Variants in LYPLAL1 observed in about 807,000 individuals in gnomAD.
The protein encoded by LYPLAL1 is lysophospholipase like 1.
In LYPLAL1, 23 loss-of-function variants were observed where a neutral mutation model predicts 19.7. The observed-to-expected ratio is 1.17, with a 90% CI of 0.84 to 1.65. The LOEUF (loss-of-function observed/expected upper bound fraction) is 1.65, where lower values mean the gene tolerates loss of function less well. Among genes scored for constraint, LYPLAL1 ranks in the 40% most tolerant of loss-of-function variants. The probability of loss-of-function intolerance (pLI) is 0.00; values close to 1 mark genes in which losing one functional copy is unlikely to be tolerated. For synonymous variants in LYPLAL1, 119 were observed against 96.3 expected (o/e 1.24, Z -1.38); for missense variants, 355 against 279.4 (o/e 1.27, Z -1.93).
the LYPLAL1 span, among the ~76,000 whole-genome samples, chr1:219,345,913 C>T: frequency 6.6e-6 from 1 of 152,304 alleles, no homozygotes; most frequent in East Asian, 1.9e-4. Flanking sequence ...GAGTGGTTCT[C>T]CTTTATCCCT....
intron 2 of LYPLAL1, among the ~76,000 whole-genome samples, chr1:219,191,316 A>G (rs896465344): frequency 6.6e-6 from 1 of 151,620 alleles, no homozygotes; most frequent in African/African-American, 2.4e-5. Flanking sequence ...TTAATGAAGC[A>G]TATTTCTTAG....
At chr1:219,350,180 A>G in the LYPLAL1 span, among the ~76,000 whole-genome samples, 1 of 152,238 alleles carries the variant, frequency 6.6e-6, no homozygotes, top group South Asian at 2.1e-4. Context: ...TTTTTATAGC[A>G]TCAGATGCTC....
At chr1:219,314,291 G>A in the LYPLAL1 span, among the ~76,000 whole-genome samples, 2 of 152,174 alleles carry the variant, frequency 1.3e-5, no homozygotes, top group South Asian at 2.1e-4. Context: ...GAATATACAT[G>A]TGCATGTCTT....
chr1:219,220,335 A>G, the LYPLAL1 span, among the ~76,000 whole-genome samples: 5 of 152,098 alleles, frequency 3.3e-5, no homozygotes, highest in African/African-American at 1.2e-4. Flanking sequence ...ACCAGAATTA[A>G]GTTTAAATAT....
At chr1:219,231,587 G>C in the LYPLAL1 span, among the ~76,000 whole-genome samples, 1 of 151,922 alleles carries the variant, frequency 6.6e-6, no homozygotes, top group African/African-American at 2.4e-5. Flanking sequence ...ACTAGTAAAC[G>C]GTAGAAAATG....
In LYPLAL1 at chr1:219,196,005, G is replaced by A. The variant is rs571672891; in HGVS notation, c.361+2754G>A. 3.9e-5 allele frequency among the ~76,000 whole-genome samples: 6 copies of A among 152,166 alleles called. No individual in the cohort carries two copies. The South Asian group carries it at 1.2e-3, about 32-fold the overall frequency. Reference sequence around the variant, plus strand: ...CCATCCTTGTCCCTGCAAAAGACATGATCTTGTTCCTTTTTATGGCTGCAT... The same window carrying A: ...CCATCCTTGTCCCTGCAAAAGACATAATCTTGTTCCTTTTTATGGCTGCAT... On this transcript the variant is annotated intron_variant, in intron 3 of 4. Coordinates refer to ENST00000366928, the MANE Select transcript of LYPLAL1 (RefSeq NM_138794.5).
the LYPLAL1 span, among the ~76,000 whole-genome samples, chr1:219,289,355 T>A: frequency 1.3e-5 from 2 of 152,138 alleles, no homozygotes; most frequent in Non-Finnish European, 2.9e-5. Flanking sequence ...ATTTTGTAAA[T>A]TGTGAAGTGC....
At chr1:219,395,828 A>G in the LYPLAL1 span, among the ~76,000 whole-genome samples, 2 of 151,948 alleles carry the variant, frequency 1.3e-5, no homozygotes, top group Non-Finnish European at 2.9e-5. Flanking sequence ...TTTTGGCTGG[A>G]TGCGGTGGCT....
chr1:219,401,052 T>G, the LYPLAL1 span, among the ~76,000 whole-genome samples: 1 of 152,188 alleles, frequency 6.6e-6, no homozygotes, highest in African/African-American at 2.4e-5. Context: ...TTATTTCTTA[T>G]AAATCAATAT....
rs764803610 is a variant in LYPLAL1 at position 219,179,159 on chromosome 1, A to G, written c.104A>G (p.Gln35Arg). The G allele has an allele frequency of 7.5e-6, 12 of 1,606,720 alleles. No homozygotes were observed. In the South Asian group the frequency reaches 1.3e-4, roughly 18 times the overall value. Residue 35 changes from glutamine (Q) to arginine (R), a missense_variant, in exon 2 of 5, where the codon CAA (glutamine) becomes CGA (arginine). Physicochemically the swap from Gln to Arg is conservative, Grantham distance 43 (BLOSUM62 1). Coordinates refer to ENST00000366928, the MANE Select transcript of LYPLAL1 (RefSeq NM_138794.5). ...IFLHGSGDSG[Q>R]GLRMWIKQVL... is the part of the protein sequence containing the mutation. The stretch of plus-strand genomic sequence containing the variant: ...TTTGATTCATCAGGTGATTCTGGAC[A>G]AGGATTAAGAATGTGGATCAAGCAG...
At chr1:219,245,175 CCCTTCCTTCCTTCCTTCCTTCCTTCCTT>C in the LYPLAL1 span, among the ~76,000 whole-genome samples, 37 of 132,620 alleles carry the variant, frequency 2.8e-4, no homozygotes, top group African/African-American at 5.9e-4. Context: ...CCTCTTCCAT[CCCTTCCTTCCTTCCTTCCTTCCTTCCTT>C]CCTTCCTTCC....
chr1:219,242,851 T>G, the LYPLAL1 span, among the ~76,000 whole-genome samples: 3 of 152,304 alleles, frequency 2.0e-5, no homozygotes, highest in Middle Eastern at 6.8e-3. Context: ...AATTTTTGGT[T>G]GCATTTACAG....
chr1:219,303,497 G>C, the LYPLAL1 span, among the ~76,000 whole-genome samples: 1 of 152,212 alleles, frequency 6.6e-6, no homozygotes, highest in African/African-American at 2.4e-5. Flanking sequence ...TCTGCAGCAG[G>C]CAATTGGTTG....
chr1:219,318,609 T>G, the LYPLAL1 span, among the ~76,000 whole-genome samples: 1 of 152,168 alleles, frequency 6.6e-6, no homozygotes, highest in South Asian at 2.1e-4. Context: ...CCATGCCAAA[T>G]TTTAGGCTCA....
chr1:219,231,696 C>G, the LYPLAL1 span, among the ~76,000 whole-genome samples: 2 of 152,118 alleles, frequency 1.3e-5, no homozygotes, highest in Non-Finnish European at 2.9e-5. Flanking sequence ...CAAAAACACT[C>G]CCTGGGGAAG....
chr1:219,232,225 C>T, the LYPLAL1 span, among the ~76,000 whole-genome samples: 1 of 152,186 alleles, frequency 6.6e-6, no homozygotes, highest in African/African-American at 2.4e-5. Flanking sequence ...GACCCCCAAA[C>T]AACTTAGCTC....
chr1:219,224,586 ATGTTAT>A, the LYPLAL1 span, among the ~76,000 whole-genome samples: 166 of 152,304 alleles, frequency 1.1e-3, no homozygotes, highest in African/African-American at 3.9e-3. Context: ...CTCCTTATGG[ATGTTAT>A]TGTCACTGTG....
At chr1:219,351,653 G>A in the LYPLAL1 span, among the ~76,000 whole-genome samples, 11 of 152,092 alleles carry the variant, frequency 7.2e-5, no homozygotes, top group South Asian at 2.3e-3. Context: ...TGCTGAATCT[G>A]GGAAAGTAGC....
chr1:219,360,310 T>C, the LYPLAL1 span, among the ~76,000 whole-genome samples: 3 of 152,154 alleles, frequency 2.0e-5, no homozygotes, highest in Non-Finnish European at 2.9e-5. Flanking sequence ...GTTATCCCTC[T>C]TTATTTGTCC....
Sources: gnomAD v4.1 joint callset for allele counts (sites outside exome capture counted in the v4.1 genomes callset) on GRCh38, gnomAD v4.1.1 for gene constraint, MANE v1.5 for transcripts, NCBI Gene and HGNC (gene_info 2026-07-23, HGNC 2026-07-21) for gene names.